The following TCAIM variants were observed in gnomAD, a reference collection of about 807,000 sequenced individuals.
TCAIM encodes T cell activation inhibitor, mitochondrial, also known as T-cell activation inhibitor, mitochondrial.
TCAIM carries 36 observed loss-of-function variants against 58.6 expected under a neutral mutation model. The ratio of observed to expected loss-of-function variants is 0.61; its 90% CI spans 0.47 to 0.81. TCAIM has a LOEUF of 0.81. Ranked by LOEUF, TCAIM falls within the 30% of genes least tolerant of loss-of-function variation. The pLI, the probability that TCAIM is intolerant of heterozygous loss-of-function variation, is 0.00. For synonymous variants in TCAIM, 172 were observed against 193.6 expected (o/e 0.89, Z 0.93); for missense variants, 466 against 579.6 (o/e 0.80, Z 2.01).
At chr3:44,368,042 T>C (rs1158262645) in intron 5 of TCAIM, among the ~76,000 whole-genome samples, 1 of 152,198 alleles carries the variant, frequency 6.6e-6, no homozygotes, top group African/African-American at 2.4e-5. Context: ...AGAAAGGCTA[T>C]ACCTAAGACT....
At chr3:44,356,085 A>T (rs1470289645) in intron 2 of TCAIM, among the ~76,000 whole-genome samples, 1 of 152,262 alleles carries the variant, frequency 6.6e-6, no homozygotes, top group Non-Finnish European at 1.5e-5. Context: ...ATCTGCAAAT[A>T]GGTTGGTGGT....
chr3:44,391,338 G>A (rs74733797), intron 5 of TCAIM: 1,923 of 152,234 alleles, frequency 0.013, 44 homozygotes, highest in African/African-American at 0.044. Flanking sequence ...ACAGGTGCGC[G>A]CGAACACGCC....
In TCAIM at chr3:44,392,975, C is replaced by T; in HGVS notation, c.693C>T (p.Ile231=). ...CTCATCAATTGCAACTCTCAGATAT[C>T]AGGTAAGAAAGAAGAGAGAACCTAA... is the stretch of plus-strand genomic sequence containing the variant. ...ELSHQLQLSD[I]RWQRSWGIAH... is the part of the protein sequence containing the mutation. Residue 231 remains isoleucine (I), a splice_region_variant and synonymous_variant, in exon 6 of 11, where the codon ATC becomes ATT. Coordinates refer to ENST00000342649, the MANE Select transcript of TCAIM (RefSeq NM_173826.4). 1 of 1,607,318 alleles carries T rather than the reference C, an allele frequency of 6.2e-7. No individual in the cohort carries two copies. Among genetic ancestry groups the T allele is most frequent in the African/African-American group, 1.3e-5 (1 of 74,660 alleles).
At chr3:44,344,876 G>A (rs1024827500) in intron 1 of TCAIM, among the ~76,000 whole-genome samples, 8 of 152,048 alleles carry the variant, frequency 5.3e-5, no homozygotes, top group African/African-American at 1.7e-4. Flanking sequence ...TGCTCAGTCG[G>A]GGAGCTTCTG....
chr3:44,374,957 C>T (rs1233828067), intron 5 of TCAIM, among the ~76,000 whole-genome samples: 1 of 152,036 alleles, frequency 6.6e-6, no homozygotes, highest in Non-Finnish European at 1.5e-5. Context: ...CCATGGAAAA[C>T]TGAGCTTCGC....
At chr3:44,365,455 A>C (rs1701358762) in intron 4 of TCAIM, among the ~76,000 whole-genome samples, 1 of 151,836 alleles carries the variant, frequency 6.6e-6, no homozygotes, top group Non-Finnish European at 1.5e-5. Context: ...CAGCCTCCCG[A>C]GTAGCTGGGA....
At chr3:44,338,480 C>G (rs1278921422), upstream of TCAIM, 1 of 152,582 alleles carries the variant, frequency 6.6e-6, no homozygotes, top group East Asian at 1.9e-4. Flanking sequence ...TCCAGCCAAC[C>G]AGGGCGTCAC....
intron 3 of TCAIM, among the ~76,000 whole-genome samples, chr3:44,360,064 T>A (rs918932302): frequency 6.6e-6 from 1 of 152,218 alleles, no homozygotes; most frequent in Admixed American, 6.5e-5. Context: ...TCTCCCAGAC[T>A]ACACTATTAC....
At chr3:44,380,287 G>T (rs1177378312) in intron 5 of TCAIM, among the ~76,000 whole-genome samples, 1 of 152,026 alleles carries the variant, frequency 6.6e-6, no homozygotes, top group African/African-American at 2.4e-5. Context: ...TAATTGGAAT[G>T]TTTCTACAAT....
chr3:44,367,896 T>C (rs1260674308), intron 5 of TCAIM, 188 bp downstream of exon 5: 2 of 527,070 alleles, frequency 3.8e-6, no homozygotes, highest in African/African-American at 1.9e-5. Context: ...GAAAAATATA[T>C]TTCATGTTTC....
chr3:44,347,689 T>C (rs1289039650), intron 1 of TCAIM, among the ~76,000 whole-genome samples: 1 of 152,194 alleles, frequency 6.6e-6, no homozygotes, highest in Non-Finnish European at 1.5e-5. Flanking sequence ...AAGGAGAGTT[T>C]ATAGGCTTTA....
intron 2 of TCAIM, 114 bp from the exon 3 acceptor site, chr3:44,357,627 A>G (rs1701220530): frequency 1.5e-6 from 2 of 1,340,252 alleles, no homozygotes; most frequent in Non-Finnish European, 2.0e-6. Flanking sequence ...ACCACAAAGT[A>G]TCTATCTTGT....
chr3:44,390,695 G>T lies in TCAIM; in HGVS notation c.573-2160G>T, dbSNP rs147124480. Reference sequence around the variant, plus strand: ...ACAAATTTTAAGAAAAAATGGCCAGGCATGGTGGCTCATGCCTATAATCCT... The same window carrying T: ...ACAAATTTTAAGAAAAAATGGCCAGTCATGGTGGCTCATGCCTATAATCCT... On this transcript the variant is annotated intron_variant, in intron 5 of 10. Transcript: ENST00000342649. 5.3e-3 allele frequency among the ~76,000 whole-genome samples: 813 copies of T among 152,216 alleles called. 7 individuals are homozygous for T. Among genetic ancestry groups the T allele is most frequent in the African/African-American group, 0.019 (778 of 41,534 alleles).
At chr3:44,358,414 G>T (rs767345321) in intron 3 of TCAIM, 2 of 603,250 alleles carry the variant, frequency 3.3e-6, no homozygotes, top group Non-Finnish European at 5.7e-6. Flanking sequence ...ATATCCATGG[G>T]TTTTACATCC....
intron 5 of TCAIM, among the ~76,000 whole-genome samples, chr3:44,368,115 T>C (rs59241073): frequency 6.6e-6 from 1 of 152,352 alleles, no homozygotes; most frequent in East Asian, 1.9e-4. Flanking sequence ...TCAGTAGTGA[T>C]GTACTTTAGT....
At chr3:44,381,693 A>T (rs889213224) in intron 5 of TCAIM, among the ~76,000 whole-genome samples, 2 of 152,184 alleles carry the variant, frequency 1.3e-5, no homozygotes, top group African/African-American at 4.8e-5. Context: ...AGGTAAAATT[A>T]TCTGTTCACA....
At chr3:44,391,131 C>A (rs1160020430) in intron 5 of TCAIM, 1 of 152,170 alleles carries the variant, frequency 6.6e-6, no homozygotes, top group Non-Finnish European at 1.5e-5. Flanking sequence ...CTCTAGAAGG[C>A]CACACAGGCT....
intron 6 of TCAIM, among the ~76,000 whole-genome samples, chr3:44,395,383 C>T (rs1701917853): frequency 6.6e-6 from 1 of 152,134 alleles, no homozygotes; most frequent in African/African-American, 2.4e-5. Flanking sequence ...GACTCCTTCA[C>T]ACACATTACC....
At chr3:44,338,923 T>G (rs1000172725) in intron 1 of TCAIM, 89 bp downstream of exon 1, 11 of 152,280 alleles carry the variant, frequency 7.2e-5, no homozygotes, top group African/African-American at 2.7e-4. Context: ...CAGAGCCACC[T>G]TAGCGCAAAG....
Sources: allele counts gnomAD v4.1 joint callset (sites outside exome capture counted in the v4.1 genomes callset), GRCh38; gene constraint gnomAD v4.1.1; transcripts MANE v1.5; gene names NCBI Gene and HGNC (gene_info 2026-07-23, HGNC 2026-07-21).